The following DDX56 variants were observed in gnomAD, a reference collection of about 807,000 sequenced individuals.
DDX56 encodes DEAD-box helicase 56.
Under a neutral mutation model 61.5 loss-of-function variants are expected in DDX56, and 45 were observed. The ratio of observed to expected loss-of-function variants is 0.73; its 90% CI spans 0.58 to 0.94. DDX56 has a LOEUF of 0.94. DDX56 is among the 40% of genes least tolerant of loss of function. DDX56 has a pLI of 0.00. For missense variants in DDX56, 708 were observed against 690.7 expected, an observed-to-expected ratio of 1.02 and a Z score of -0.28; for synonymous variants, 273 against 268.3, an observed-to-expected ratio of 1.02 and a Z score of -0.17.
Position 44,570,137 on chromosome 7 carries a change from A to G in DDX56, c.1011-9T>C, listed in dbSNP as rs991711400. 1.2e-6 allele frequency: 2 copies of G among 1,613,640 alleles called. No individual in the cohort carries two copies. Among genetic ancestry groups the G allele is most frequent in the Non-Finnish European group, 8.5e-7 (1 of 1,179,972 alleles). ...CTTCCGGATCAGAGGCCCTGCAGAG[A>G]TAACTCAATGTCAGCCGGACCCTTC... On this transcript the variant is annotated splice_polypyrimidine_tract_variant and intron_variant, in intron 7 of 13. Coordinates refer to ENST00000258772, the MANE Select transcript of DDX56 (RefSeq NM_019082.4).
intron 12 of DDX56, among the ~76,000 whole-genome samples, chr7:44,567,306 C>G (rs767329217): frequency 6.6e-6 from 1 of 152,202 alleles, no homozygotes; most frequent in Non-Finnish European, 1.5e-5. Flanking sequence ...AGCAGCAACA[C>G]CACACCCGCT....
rs756825151 is a variant in DDX56, at chr7:44,570,081, T to G, written c.1058A>C (p.His353Pro). ...ATCAAAGTTGAGCACAGCAGACACA[T>G]GGTGGAAGTCTATGCCCCGGGCCAC... ...AGVARGIDFHHVSAVLNFDLP... is the reference protein window; with the variant it reads ...AGVARGIDFHPVSAVLNFDLP... Residue 353 changes from histidine to proline, a missense_variant, in exon 8 of 14, where the codon CAT (histidine) becomes CCT (proline). Transcript: ENST00000258772. 4 of 1,613,996 alleles carry G rather than the reference T, an allele frequency of 2.5e-6. No homozygotes were observed. In the Admixed American group the frequency reaches 5.0e-5, roughly 20 times the overall value.
At position 44,570,006 on chromosome 7, in the gene DDX56, C is replaced by T. The variant is rs998244200; in HGVS notation, c.1124+9G>A. On this transcript the variant is annotated intron_variant, in intron 8 of 13. Coordinates refer to ENST00000258772, the MANE Select transcript of DDX56 (RefSeq NM_019082.4). ...TACCATGCAGATGCCTGGGCCGTCA[C>T]ACTACTACCTGCCAGCTCGATGGAT... The T allele has an allele frequency of 2.2e-5, 35 of 1,614,062 alleles. No individual in the cohort carries two copies. Among genetic ancestry groups the T allele is most frequent in the Non-Finnish European group, 2.8e-5 (33 of 1,180,034 alleles).
intron 6 of DDX56, among the ~76,000 whole-genome samples, chr7:44,571,218 T>C (rs1802660554): frequency 6.6e-6 from 1 of 152,212 alleles, no homozygotes; most frequent in Admixed American, 6.5e-5. Context: ...TTTGTATTTT[T>C]AGTAGAGACG....
At chr7:44,570,224 T>C in intron 7 of DDX56, 96 bp from the exon 8 acceptor site, 4 of 1,460,482 alleles carry the variant, frequency 2.7e-6, no homozygotes, top group East Asian at 4.9e-5. Context: ...TGCCTGTAGA[T>C]CATAAGACCC....
rs1358954416 is a variant in DDX56, at chr7:44,570,852, G to A, written c.916C>T (p.Gln306Ter). ...GCTATGACACAGTCGTAGAAGCCTT[G>A]GTTGAACTGTGAGATGATGTGGCAC... is the stretch of plus-strand genomic sequence containing the variant. ...SRCHIISQFN[Q>*]GFYDCVIATD... Residue 306 changes from glutamine (Q) to a stop codon, truncating the protein, a stop_gained, in exon 7 of 14, where the codon CAA becomes TAA. Transcript: ENST00000258772. LOFTEE classifies it high-confidence loss of function. The A allele has an allele frequency of 3.7e-6, 6 of 1,613,504 alleles. No homozygotes were observed. The South Asian group carries it at 5.5e-5, about 15-fold the overall frequency.
At chr7:44,568,283 C>G in intron 11 of DDX56, 60 bp from the exon 12 acceptor site, 5 of 1,251,048 alleles carry the variant, frequency 4.0e-6, no homozygotes, top group Non-Finnish European at 5.6e-6. Context: ...CTTCACAGAC[C>G]TAGCTTTTCA....
Position 44,573,538 on chromosome 7 carries a change from T to G in DDX56, c.222+45A>C, listed in dbSNP as rs574895524. The G allele has an allele frequency of 2.9e-5, 46 of 1,600,164 alleles. No homozygotes were observed. The South Asian group carries it at 4.9e-4, about 17-fold the overall frequency. On this transcript the variant is annotated intron_variant, in intron 2 of 13. Coordinates refer to ENST00000258772, the MANE Select transcript of DDX56 (RefSeq NM_019082.4). ...AAACGGGAACCGCCCTTCCCAGGCTTTTGGAGCTTGCCTCCTTCCTCCCCT... is the reference window on the plus strand; with the variant it reads ...AAACGGGAACCGCCCTTCCCAGGCTGTTGGAGCTTGCCTCCTTCCTCCCCT...
In DDX56 at chr7:44,571,678, T is replaced by A; in HGVS notation, c.704A>T (p.Gln235Leu). The A allele has an allele frequency of 6.2e-7, 1 of 1,614,118 alleles. No homozygotes were observed. Among genetic ancestry groups the A allele is most frequent in the Non-Finnish European group, 8.5e-7 (1 of 1,180,030 alleles). ...LPGPDQLQQFQVVCETEEDKF... is the reference protein window; with the variant it reads ...LPGPDQLQQFLVVCETEEDKF... The stretch of plus-strand genomic sequence containing the variant: ...GTCTTCCTCAGTCTCACAGACCACC[T>A]GAAACTGCTGTAACTGGTCTGGCCC... The change falls in exon 6 of 14, where the codon CAG becomes CTG. Residue 235 changes from glutamine to leucine, a missense_variant. Transcript: ENST00000258772.
intron 5 of DDX56, 24 bp downstream of exon 5, chr7:44,572,323 A>G: frequency 6.2e-7 from 1 of 1,601,042 alleles, no homozygotes; most frequent in Non-Finnish European, 8.6e-7. Context: ...CTGCAGCTCC[A>G]GACACTTCCA....
intron 10 of DDX56, 67 bp downstream of exon 10, chr7:44,569,062 GC>G (rs1334135071): frequency 6.2e-7 from 1 of 1,610,530 alleles, no homozygotes; most frequent in Non-Finnish European, 8.5e-7. Flanking sequence ...TGGATGCTCA[GC>G]AAGACGGTGC....
chr7:44,572,754 G>A lies in DDX56; in HGVS notation c.384-10C>T, dbSNP rs774548468. 13 of 1,613,902 alleles carry A rather than the reference G, an allele frequency of 8.1e-6. No individual in the cohort carries two copies. Among genetic ancestry groups the A allele is most frequent in the Middle Eastern group, 3.3e-4 (2 of 6,084 alleles). On this transcript the variant is annotated splice_polypyrimidine_tract_variant and intron_variant, in intron 3 of 13. Transcript: ENST00000258772. ...CTCCATCAGCACAGCTCTGGAGGTG[G>A]ACAAGACATCAGTATCAGGCAGAAT...
In DDX56 at chr7:44,570,043, G is replaced by C. The variant is rs768614018; in HGVS notation, c.1096C>G (p.Pro366Ala). The C allele has an allele frequency of 3.1e-6, 5 of 1,614,098 alleles. No homozygotes were observed. In the East Asian group the frequency reaches 6.7e-5, roughly 22 times the overall value. The change falls in exon 8 of 14, where the codon CCT becomes GCT. Residue 366 changes from proline to alanine, a missense_variant. Pro to Ala is a conservative substitution (Grantham distance 27, BLOSUM62 -1). Coordinates refer to ENST00000258772, the MANE Select transcript of DDX56 (RefSeq NM_019082.4). ...AVLNFDLPPTPEAYIHRAGRT... is the reference protein window; with the variant it reads ...AVLNFDLPPTAEAYIHRAGRT... ...CCAGCTCGATGGATGTAGGCCTCAG[G>C]GGTTGGGGGAAGATCAAAGTTGAGC...
In DDX56 at chr7:44,571,496, A is replaced by G. The variant is rs140702133; in HGVS notation, c.886T>C (p.Ser296Pro). ...AAGATGTTGGCTGTGGCAGACCTGG[A>G]GCGCAGTGGAAGCTCTCCATTGAGC... is the stretch of plus-strand genomic sequence containing the variant. ...CVLNGELPLR[S>P]RCHIISQFNQ... The change falls in exon 6 of 14, where the codon TCC becomes CCC. Residue 296 changes from serine to proline, a missense_variant. Physicochemically the swap from Ser to Pro is moderately conservative, Grantham distance 74. Transcript: ENST00000258772. 144 of 1,613,748 alleles carry G rather than the reference A, an allele frequency of 8.9e-5. No individual in the cohort carries two copies. In the East Asian group the frequency reaches 2.5e-3, roughly 28 times the overall value.
chr7:44,568,917 A>C lies in DDX56; in HGVS notation c.1369T>G (p.Ser457Ala). 6.2e-7 allele frequency: 1 copy of C among 1,613,630 alleles called. No individual in the cohort carries two copies. Among genetic ancestry groups the C allele is most frequent in the Admixed American group, 1.7e-5 (1 of 60,018 alleles). Residue 457 changes from serine to alanine, a missense_variant, in exon 11 of 14, where the codon TCT becomes GCT. Coordinates refer to ENST00000258772, the MANE Select transcript of DDX56 (RefSeq NM_019082.4). The stretch of plus-strand genomic sequence containing the variant: ...CATCCACTCACCTTAAGCTTCTCAG[A>C]ATGCAGAAGCTCTTCCTTGATCTCC... ...LKEIKEELLH[S>A]EKLKTYFEDN...
At chr7:44,566,114 T>G in intron 13 of DDX56, 35 bp from the exon 14 acceptor site, 11 of 1,376,614 alleles carry the variant, frequency 8.0e-6, no homozygotes, top group Non-Finnish European at 1.1e-5. Flanking sequence ...GTTGGGGGAA[T>G]CAGGCCGACA....
Position 44,570,809 on chromosome 7 carries a change from A to T in DDX56, c.959T>A (p.Leu320Gln). The T allele has an allele frequency of 6.2e-7, 1 of 1,613,950 alleles. No individual in the cohort carries two copies. The highest frequency in any genetic ancestry group is 8.5e-7 in the Non-Finnish European group (1 of 1,179,842). ...ACGCTTGCCCTTGACTGGGGCCCCCAGGACTTCAGCATCAGTTGCTATGAC... is the reference window on the plus strand; with the variant it reads ...ACGCTTGCCCTTGACTGGGGCCCCCTGGACTTCAGCATCAGTTGCTATGAC... ...DCVIATDAEV[L>Q]GAPVKGKRRG... Residue 320 changes from leucine (L) to glutamine (Q), a missense_variant, in exon 7 of 14, where the codon CTG (leucine) becomes CAG (glutamine). Physicochemically the swap from Leu to Gln is moderately radical, Grantham distance 113. Transcript: ENST00000258772.
chr7:44,568,256 G>A (rs772761015), intron 11 of DDX56, 33 bp from the exon 12 acceptor site: 27 of 1,492,918 alleles, frequency 1.8e-5, no homozygotes, highest in Non-Finnish European at 2.3e-5. Flanking sequence ...CACAGAGTGA[G>A]CATCTTTCTT....
rs750324441 is a variant in DDX56, at chr7:44,569,005, A to G, written c.1294-13T>C. ...AGCGCATGGCATCCTGGGGGTGGACACTGAAGGTCAAGACAGTGAGGCTGC... is the reference window on the plus strand; with the variant it reads ...AGCGCATGGCATCCTGGGGGTGGACGCTGAAGGTCAAGACAGTGAGGCTGC... On this transcript the variant is annotated splice_polypyrimidine_tract_variant and intron_variant, in intron 10 of 13. Coordinates refer to ENST00000258772, the MANE Select transcript of DDX56 (RefSeq NM_019082.4). 4.3e-6 allele frequency: 7 copies of G among 1,613,932 alleles called. No homozygotes were observed. In the Admixed American group the frequency reaches 1.2e-4, roughly 27 times the overall value.
Sources: gnomAD v4.1 joint callset for allele counts (sites outside exome capture counted in the v4.1 genomes callset) on GRCh38, gnomAD v4.1.1 for gene constraint, MANE v1.5 for transcripts, NCBI Gene and HGNC (gene_info 2026-07-23, HGNC 2026-07-21) for gene names.